CTNNA3: variants seen among roughly 807,000 people sequenced by gnomAD.
CTNNA3 encodes the protein catenin alpha-3.
Under a neutral mutation model 95.7 loss-of-function variants are expected in CTNNA3, and 76 were observed. The observed-to-expected ratio is 0.79, with a 90% CI of 0.66 to 0.96. The LOEUF (loss-of-function observed/expected upper bound fraction) is 0.96, where lower values mean the gene tolerates loss of function less well. CTNNA3 is among the 40% of genes least tolerant of loss of function. The pLI, the probability that CTNNA3 is intolerant of heterozygous loss-of-function variation, is 0.00. For missense variants in CTNNA3, 1,191 were observed against 1,089.8 expected (o/e 1.09, Z -1.31); for synonymous variants, 431 against 374.4 (o/e 1.15, Z -1.74).
intron 11 of CTNNA3, among the ~76,000 whole-genome samples, chr10:66,383,405 A>C (rs1411810480): frequency 6.6e-6 from 1 of 152,196 alleles, no homozygotes; most frequent in African/African-American, 2.4e-5. Flanking sequence ...AAAAAAGAGT[A>C]AGAAGAAATG....
chr10:66,521,695 A>G (rs1165310266), intron 10 of CTNNA3, among the ~76,000 whole-genome samples: 2 of 152,194 alleles, frequency 1.3e-5, no homozygotes, highest in East Asian at 1.9e-4. Flanking sequence ...GTCATTAAGT[A>G]AAATGCCTTT....
intron 2 of CTNNA3, among the ~76,000 whole-genome samples, chr10:67,619,455 C>CA (rs541157257): frequency 8.0e-4 from 121 of 152,174 alleles, no homozygotes; most frequent in Non-Finnish European, 1.4e-3. Flanking sequence ...TCACCATATT[C>CA]AAAAATCAAC....
At chr10:65,929,251 A>G (rs1458208785) in intron 17 of CTNNA3, among the ~76,000 whole-genome samples, 1 of 152,168 alleles carries the variant, frequency 6.6e-6, no homozygotes, top group Non-Finnish European at 1.5e-5. Flanking sequence ...TATATGTGCC[A>G]CATTTTCTTA....
intron 5 of CTNNA3, among the ~76,000 whole-genome samples, chr10:67,367,399 A>G (rs1032395130): frequency 3.3e-5 from 5 of 151,590 alleles, no homozygotes; most frequent in African/African-American, 9.8e-5. Context: ...TCTATTAATA[A>G]AAAGTCAAAA....
At chr10:66,795,280 C>T (rs998364641) in intron 7 of CTNNA3, among the ~76,000 whole-genome samples, 2 of 152,060 alleles carry the variant, frequency 1.3e-5, no homozygotes, top group African/African-American at 4.8e-5. Context: ...CAAAATTACT[C>T]CTTGATCCAT....
At chr10:67,682,050 C>T (rs1302254655) in intron 1 of CTNNA3, among the ~76,000 whole-genome samples, 1 of 150,842 alleles carries the variant, frequency 6.6e-6, no homozygotes, top group Non-Finnish European at 1.5e-5. Flanking sequence ...CGCAGCTACT[C>T]GGGAGGCTGA....
intron 5 of CTNNA3, among the ~76,000 whole-genome samples, chr10:67,434,148 C>T (rs1056622549): frequency 6.6e-6 from 1 of 151,914 alleles, no homozygotes; most frequent in African/African-American, 2.4e-5. Flanking sequence ...TTCCTAAAAC[C>T]TAAAAGAACA....
At chr10:67,382,106 T>G (rs1843971964) in intron 5 of CTNNA3, among the ~76,000 whole-genome samples, 1 of 152,194 alleles carries the variant, frequency 6.6e-6, no homozygotes, top group Non-Finnish European at 1.5e-5. Context: ...ATTCTAACTT[T>G]TTAATTATTT....
intron 7 of CTNNA3, among the ~76,000 whole-genome samples, chr10:67,034,891 T>A (rs546591956): frequency 6.6e-6 from 1 of 152,338 alleles, no homozygotes; most frequent in Admixed American, 6.5e-5. Flanking sequence ...TACCATTTGA[T>A]CATGTTGACA....
chr10:66,421,962 T>C (rs1441833187), intron 11 of CTNNA3, among the ~76,000 whole-genome samples: 1 of 132,994 alleles, frequency 7.5e-6, no homozygotes, highest in Non-Finnish European at 1.6e-5. Flanking sequence ...AGGGTTGAAA[T>C]GAATCCTGCT....
chr10:66,620,029 C>G (rs1039346509), intron 10 of CTNNA3, among the ~76,000 whole-genome samples: 16 of 152,054 alleles, frequency 1.1e-4, no homozygotes, highest in African/African-American at 2.9e-4. Context: ...GAAATGATCT[C>G]TACCTCATGT....
chr10:67,195,249 G>T (rs1278055601), intron 6 of CTNNA3, among the ~76,000 whole-genome samples: 5 of 152,068 alleles, frequency 3.3e-5, no homozygotes, highest in Non-Finnish European at 7.4e-5. Context: ...TTTTACTAAT[G>T]AAATAAATAT....
intron 9 of CTNNA3, among the ~76,000 whole-genome samples, chr10:66,725,859 C>T (rs1234978926): frequency 6.6e-6 from 1 of 152,066 alleles, no homozygotes; most frequent in Non-Finnish European, 1.5e-5. Flanking sequence ...TCACTTTTAG[C>T]ACAAGTGTTG....
rs117021750 is a variant in CTNNA3, at chr10:67,325,899, T to C, written c.580-106029A>G. Among the ~76,000 whole-genome samples the C allele has an allele frequency of 0.019, 2,869 of 152,256 alleles. 237 individuals are homozygous for C. The East Asian group carries it at 0.26, about 14-fold the overall frequency. ...TGAAGGTCTCTAAGAACTTAGTTTA[T>C]GAATCTGGGTGCTCCTGGGTTGGGC... On this transcript the variant is annotated intron_variant, in intron 5 of 17. Coordinates refer to ENST00000433211, the MANE Select transcript of CTNNA3 (RefSeq NM_013266.4).
At chr10:66,363,478 C>T (rs2092690988) in intron 12 of CTNNA3, among the ~76,000 whole-genome samples, 1 of 152,114 alleles carries the variant, frequency 6.6e-6, no homozygotes, top group Non-Finnish European at 1.5e-5. Flanking sequence ...GAAAGAGGGC[C>T]CTCACCAGAT....
chr10:65,973,632 T>C (rs2078153387), intron 16 of CTNNA3, among the ~76,000 whole-genome samples: 1 of 152,132 alleles, frequency 6.6e-6, no homozygotes, highest in Non-Finnish European at 1.5e-5. Context: ...CTGCAGGATA[T>C]ACAAGCATTG....
intron 17 of CTNNA3, among the ~76,000 whole-genome samples, chr10:65,963,141 T>A (rs917453278): frequency 6.6e-6 from 1 of 152,200 alleles, no homozygotes; most frequent in Admixed American, 6.5e-5. Flanking sequence ...ACTATTGCCA[T>A]CTCAAACTAA....
intron 10 of CTNNA3, among the ~76,000 whole-genome samples, chr10:66,616,760 G>T (rs1320310611): frequency 6.6e-6 from 1 of 151,972 alleles, no homozygotes; most frequent in African/African-American, 2.4e-5. Flanking sequence ...GGACTTAACT[G>T]ACTCACTCTA....
chr10:67,201,437 C>T (rs1392590323), intron 6 of CTNNA3, among the ~76,000 whole-genome samples: 1 of 152,018 alleles, frequency 6.6e-6, no homozygotes, highest in Non-Finnish European at 1.5e-5. Context: ...TATTGGCAGG[C>T]ACCTTATGTC....
Sources: allele counts gnomAD v4.1 joint callset (sites outside exome capture counted in the v4.1 genomes callset), GRCh38; gene constraint gnomAD v4.1.1; transcripts MANE v1.5; gene names NCBI Gene and HGNC (gene_info 2026-07-23, HGNC 2026-07-21).